GCC2: variants seen among roughly 807,000 people sequenced by gnomAD.
GCC2 encodes the protein GRIP and coiled-coil domain-containing protein 2.
GCC2 carries 120 observed loss-of-function variants against 210.6 expected under a neutral mutation model. The observed-to-expected ratio is 0.57, with a 90% CI of 0.49 to 0.66. The LOEUF is 0.66. Among genes scored for constraint, GCC2 ranks in the 30% least tolerant of loss-of-function variants. GCC2 has a pLI of 0.00. For synonymous variants in GCC2, 703 were observed against 652.7 expected (o/e 1.08, Z -1.17); for missense variants, 1,868 against 1,871.9 (o/e 1.00, Z 0.04).
chr2:108,478,164 G>A (rs1403837830), intron 9 of GCC2, among the ~76,000 whole-genome samples: 1 of 152,118 alleles, frequency 6.6e-6, no homozygotes, highest in Non-Finnish European at 1.5e-5. Context: ...CTCTTATGAA[G>A]AAGCCCATAT....
At chr2:108,452,613 G>C in intron 4 of GCC2, 147 bp downstream of exon 4, 2 of 625,528 alleles carry the variant, frequency 3.2e-6, no homozygotes. Context: ...GTAAAAAGAG[G>C]GGGTTAATGA....
intron 4 of GCC2, among the ~76,000 whole-genome samples, chr2:108,466,489 T>C (rs1347162559): frequency 6.6e-6 from 1 of 152,110 alleles, no homozygotes; most frequent in African/African-American, 2.4e-5. Flanking sequence ...TATTTATTTT[T>C]TGAGACAGAG....
chr2:108,456,635 A>C (rs893786147), intron 4 of GCC2, among the ~76,000 whole-genome samples: 6 of 152,098 alleles, frequency 3.9e-5, no homozygotes, highest in African/African-American at 1.4e-4. Context: ...CCCATTTAAG[A>C]GGTTGTCTTC....
At chr2:108,469,449 T>C (rs1465839366) in intron 5 of GCC2, 2 of 493,876 alleles carry the variant, frequency 4.0e-6, no homozygotes, top group Non-Finnish European at 7.1e-6. Context: ...GTAATAGATT[T>C]AATATTGTAG....
intron 7 of GCC2, among the ~76,000 whole-genome samples, chr2:108,474,082 C>G (rs996089599): frequency 1.3e-5 from 2 of 151,920 alleles, no homozygotes; most frequent in African/African-American, 4.8e-5. Flanking sequence ...GGCATGAACC[C>G]GGGAGGCAGA....
chr2:108,507,754 A>G lies in GCC2; in HGVS notation c.*124A>G. ...TGTTTGCATCTACATATATTTGTAC[A>G]TCTATATGACAGATGTATTTTAAAA... is the stretch of plus-strand genomic sequence containing the variant. On this transcript the variant is annotated 3_prime_UTR_variant, in exon 23 of 23. Coordinates refer to ENST00000309863, the MANE Select transcript of GCC2 (RefSeq NM_181453.4). 2 of 700,094 alleles carry G rather than the reference A, an allele frequency of 2.9e-6. No homozygotes were observed. Among genetic ancestry groups the G allele is most frequent in the South Asian group, 3.5e-5 (2 of 56,382 alleles). 43.4% of individuals were successfully genotyped at this position (700,094 alleles called of 1,614,324 possible).
intron 22 of GCC2, among the ~76,000 whole-genome samples, chr2:108,507,293 C>T (rs1023986171): frequency 1.3e-5 from 2 of 151,468 alleles, no homozygotes; most frequent in African/African-American, 4.9e-5. Context: ...GCTTGGGAGG[C>T]TGAGGTGGGA....
intron 11 of GCC2, 40 bp from the exon 12 acceptor site, chr2:108,483,022 T>G: frequency 9.7e-7 from 1 of 1,032,492 alleles, no homozygotes; most frequent in Non-Finnish European, 1.5e-6. Context: ...CTTTTTAATA[T>G]TGGTTGGGTG....
chr2:108,500,615 A>G (rs1353184078), intron 22 of GCC2, among the ~76,000 whole-genome samples: 2 of 152,244 alleles, frequency 1.3e-5, no homozygotes, highest in African/African-American at 4.8e-5. Context: ...GAAATGCTTC[A>G]TATACAACTG....
chr2:108,500,386 G>A (rs1462604226), intron 22 of GCC2, among the ~76,000 whole-genome samples: 3 of 152,048 alleles, frequency 2.0e-5, no homozygotes, highest in Non-Finnish European at 4.4e-5. Flanking sequence ...GGTGGCATGC[G>A]CCTATAGTCC....
intron 7 of GCC2, 89 bp downstream of exon 7, chr2:108,472,988 A>G (rs1450510649): frequency 1.1e-5 from 8 of 740,326 alleles, no homozygotes; most frequent in Middle Eastern, 3.6e-4. Context: ...TAGCCAAATA[A>G]TGAGTTGTTA....
chr2:108,506,140 T>C lies in GCC2; in HGVS notation c.4985-1420T>C, dbSNP rs570465377. ...GGTGAATTATGTGGTATATGAATTA[T>C]ATCTCCAAAACATTTAATTAAAAAC... On this transcript the variant is annotated intron_variant, in intron 22 of 22. Coordinates refer to ENST00000309863, the MANE Select transcript of GCC2 (RefSeq NM_181453.4). Among the ~76,000 whole-genome samples, 6 of 152,328 alleles carry C rather than the reference T, an allele frequency of 3.9e-5. No homozygotes were observed. In the South Asian group the frequency reaches 1.2e-3, roughly 32 times the overall value.
At chr2:108,493,145 A>C (rs1199304841) in intron 19 of GCC2, among the ~76,000 whole-genome samples, 1 of 152,150 alleles carries the variant, frequency 6.6e-6, no homozygotes, top group Non-Finnish European at 1.5e-5. Context: ...GCTGGAGTGC[A>C]GTGGCGCGAT....
Position 108,495,352 on chromosome 2 carries a change from G to A in GCC2, c.4509G>A (p.Pro1503=), listed in dbSNP as rs750240618. Residue 1503 remains proline (P), a synonymous_variant, in exon 20 of 23, where the codon CCG becomes CCA. Transcript: ENST00000309863. ...GAGAAAGGAGAAACACAGACCTCCC[G>A]CTTCTAGACATGCACACTGTAACCC... ...NLRERRNTDL[P]LLDMHTVTRE... The A allele has an allele frequency of 6.8e-5, 107 of 1,575,634 alleles. No homozygotes were observed. The highest frequency in any genetic ancestry group is 5.6e-4 in the South Asian group (50 of 89,916).
chr2:108,453,750 A>G (rs1469791354), intron 4 of GCC2, among the ~76,000 whole-genome samples: 2 of 150,674 alleles, frequency 1.3e-5, no homozygotes, highest in Non-Finnish European at 2.9e-5. Context: ...GAGCCACTGT[A>G]CTCCAGCCTG....
chr2:108,480,695 A>AAT (rs2104473314), intron 9 of GCC2, among the ~76,000 whole-genome samples: 1 of 152,328 alleles, frequency 6.6e-6, no homozygotes, highest in South Asian at 2.1e-4. Flanking sequence ...GTGGGAGCTA[A>AAT]ATGATGAGAA....
chr2:108,466,464 T>TTTTATTTATTTA (rs59825625), intron 4 of GCC2, among the ~76,000 whole-genome samples: 1 of 151,026 alleles, frequency 6.6e-6, no homozygotes, highest in African/African-American at 2.4e-5. Context: ...ATGGTTTCTT[T>TTTTATTTATTTA]TTTATTTATT....
chr2:108,472,282 A>G (rs1681274553), intron 6 of GCC2, among the ~76,000 whole-genome samples, 166 bp downstream of exon 6: 1 of 152,146 alleles, frequency 6.6e-6, no homozygotes, highest in African/African-American at 2.4e-5. Flanking sequence ...TTGTATGTCC[A>G]GTTTATTACA....
rs1400490790 is a variant in GCC2 at position 108,470,152 on chromosome 2, G to A, written c.823G>A (p.Glu275Lys). The change falls in exon 6 of 23, where the codon GAG becomes AAG. Residue 275 changes from glutamate (E) to lysine (K), a missense_variant. Coordinates refer to ENST00000309863, the MANE Select transcript of GCC2 (RefSeq NM_181453.4). ...TGAAGCAGAGATAAATAAGTTGAAC[G>A]AGCTAAAAGAGAACTTAGTAAAACA... The part of the protein sequence containing the change: ...EHEAEINKLN[E>K]LKENLVKQCE... 7 of 1,613,650 alleles carry A rather than the reference G, an allele frequency of 4.3e-6. No homozygotes were observed. The highest frequency in any genetic ancestry group is 5.9e-6 in the Non-Finnish European group (7 of 1,179,838).
Sources: allele counts gnomAD v4.1 joint callset (sites outside exome capture counted in the v4.1 genomes callset), GRCh38; gene constraint gnomAD v4.1.1; transcripts MANE v1.5; gene names NCBI Gene and HGNC (gene_info 2026-07-23, HGNC 2026-07-21).